Variants in RMND1 observed in about 807,000 individuals in gnomAD.
The protein encoded by RMND1 is required for meiotic nuclear division protein 1 homolog.
A neutral mutation model predicts 54.0 loss-of-function variants in RMND1; 41 were observed. That is an observed-to-expected ratio of 0.76 (90% CI 0.59 to 0.98). RMND1 has a LOEUF of 0.98. RMND1 is among the 50% of genes least tolerant of loss of function. The pLI is 0.00. For synonymous variants in RMND1, 183 were observed against 181.7 expected, an observed-to-expected ratio of 1.01 and a Z score of -0.06; for missense variants, 457 against 532.0, an observed-to-expected ratio of 0.86 and a Z score of 1.39.
chr6:151,450,814 G>T (rs1171570604), intron 1 of RMND1, among the ~76,000 whole-genome samples: 1 of 152,188 alleles, frequency 6.6e-6, no homozygotes, highest in Non-Finnish European at 1.5e-5. Flanking sequence ...TGTCTGTGTA[G>T]AAAGAAGTAG....
intron 2 of RMND1, 36 bp downstream of exon 2, chr6:151,445,272 C>A: frequency 6.4e-7 from 1 of 1,567,884 alleles, no homozygotes; most frequent in Non-Finnish European, 8.6e-7. Flanking sequence ...GAGCAATGAT[C>A]ACTAAGCACG....
At chr6:151,425,691 G>C (rs1780275502) in intron 6 of RMND1, among the ~76,000 whole-genome samples, 1 of 152,124 alleles carries the variant, frequency 6.6e-6, no homozygotes, top group African/African-American at 2.4e-5. Context: ...GCCACCACTG[G>C]GCTCAGGCTG....
chr6:151,424,356 G>A (rs1266954603), intron 6 of RMND1, among the ~76,000 whole-genome samples: 4 of 151,916 alleles, frequency 2.6e-5, no homozygotes, highest in Admixed American at 2.0e-4. Flanking sequence ...CCAGCTACTC[G>A]GGAGGCTGAG....
intron 10 of RMND1, among the ~76,000 whole-genome samples, chr6:151,415,412 T>TG (rs111830026): frequency 3.0e-4 from 46 of 152,168 alleles, no homozygotes; most frequent in African/African-American, 1.1e-3. Context: ...GAGCAACTAC[T>TG]AAATATCTAT....
chr6:151,409,822 G>A (rs1342659097), intron 10 of RMND1, among the ~76,000 whole-genome samples: 3 of 152,146 alleles, frequency 2.0e-5, no homozygotes, highest in Non-Finnish European at 4.4e-5. Flanking sequence ...CGGAGAAGGT[G>A]GCATGGGGAC....
chr6:151,447,145 C>G (rs1284451430), intron 1 of RMND1, among the ~76,000 whole-genome samples: 2 of 151,962 alleles, frequency 1.3e-5, no homozygotes, highest in Non-Finnish European at 1.5e-5. Context: ...ACACCCCAGG[C>G]ATGGAGTCCT....
chr6:151,424,550 T>C (rs188246990), intron 6 of RMND1, among the ~76,000 whole-genome samples: 2 of 151,796 alleles, frequency 1.3e-5, no homozygotes, highest in African/African-American at 4.8e-5. Context: ...TAATAGTCAC[T>C]CCACACAAGA....
intron 1 of RMND1, among the ~76,000 whole-genome samples, chr6:151,450,081 C>T (rs1384045924): frequency 6.6e-6 from 1 of 151,978 alleles, no homozygotes; most frequent in East Asian, 1.9e-4. Context: ...TCGTCTGGGA[C>T]GTGAGGAGCC....
At chr6:151,427,415 C>T in intron 6 of RMND1, 67 bp downstream of exon 6, 1 of 865,302 alleles carries the variant, frequency 1.2e-6, no homozygotes, top group Non-Finnish European at 1.8e-6. Flanking sequence ...AATAATTTGT[C>T]TCCTCTATTG....
rs1562792003 is a variant in RMND1, at chr6:151,427,467, TG to T, written c.830+14del. 2 of 1,497,350 alleles carry T rather than the reference TG, an allele frequency of 1.3e-6. No homozygotes were observed. Among genetic ancestry groups the T allele is most frequent in the Non-Finnish European group, 1.9e-6 (2 of 1,075,874 alleles). 92.8% of individuals were successfully genotyped at this position (1,497,350 alleles called of 1,614,324 possible). ...CCAAGTGCCCCTTTCATAAATTTGA[TG>T]AAAAGTTGCTTACTCTATTTTTATG... On this transcript the variant is annotated intron_variant, in intron 6 of 11. Coordinates refer to ENST00000444024, the MANE Select transcript of RMND1 (RefSeq NM_017909.4).
intron 3 of RMND1, among the ~76,000 whole-genome samples, chr6:151,434,734 T>C (rs555582551): frequency 6.6e-6 from 1 of 152,230 alleles, no homozygotes; most frequent in Non-Finnish European, 1.5e-5. Flanking sequence ...CTTAAGAATT[T>C]CCACTGTTAT....
At position 151,443,634 on chromosome 6, in the gene RMND1, C is replaced by T. The variant is rs529844429; in HGVS notation, c.504+1674G>A. ...GAAACATCTGATTTTCTATTATTTC[C>T]CTGTGCTTTCAGAAAGACAGCATGC... On this transcript the variant is annotated intron_variant, in intron 2 of 11. Coordinates refer to ENST00000444024, the MANE Select transcript of RMND1 (RefSeq NM_017909.4). Among the ~76,000 whole-genome samples the T allele has an allele frequency of 1.2e-4, 19 of 152,218 alleles. No homozygotes were observed. The South Asian group carries it at 3.7e-3, about 30-fold the overall frequency.
intron 1 of RMND1, chr6:151,446,140 T>C (rs1279981203): frequency 6.8e-5 from 16 of 234,776 alleles, no homozygotes. Context: ...AAATCTGTGC[T>C]GGCCAGGCAC....
At position 151,441,762 on chromosome 6, in the gene RMND1, C is replaced by T. The variant is rs961626014; in HGVS notation, c.504+3546G>A. 5.3e-5 allele frequency among the ~76,000 whole-genome samples: 8 copies of T among 152,168 alleles called. No individual in the cohort carries two copies. In the South Asian group the frequency reaches 1.4e-3, roughly 28 times the overall value. Reference sequence around the variant, plus strand: ...CTAAGTTCCAGGCCCTTCTTGACTTCACTCTGTGCACCTCTACATCTGGTT... The same window carrying T: ...CTAAGTTCCAGGCCCTTCTTGACTTTACTCTGTGCACCTCTACATCTGGTT... On this transcript the variant is annotated intron_variant, in intron 2 of 11. Coordinates refer to ENST00000444024, the MANE Select transcript of RMND1 (RefSeq NM_017909.4).
chr6:151,409,377 C>T (rs1031065295), intron 10 of RMND1, among the ~76,000 whole-genome samples: 4 of 152,022 alleles, frequency 2.6e-5, no homozygotes, highest in Admixed American at 2.6e-4. Context: ...AAAAGGACAC[C>T]CAGATGACTT....
Position 151,445,370 on chromosome 6 carries a change from G to A in RMND1, c.442C>T (p.Leu148=), listed in dbSNP as rs1780922674. ...GGCTGTCTGGTCCTGGATGCTTTTAGTGGTCTCTTCACCTGTGGGAAGTCT... is the reference window on the plus strand; with the variant it reads ...GGCTGTCTGGTCCTGGATGCTTTTAATGGTCTCTTCACCTGTGGGAAGTCT... ...KQDFPQVKRP[L]KASRTRQPSR... is the part of the protein sequence containing the mutation. Residue 148 remains leucine, a synonymous_variant, in exon 2 of 12, where the codon CTA becomes TTA. Coordinates refer to ENST00000444024, the MANE Select transcript of RMND1 (RefSeq NM_017909.4). 1 of 1,613,974 alleles carries A rather than the reference G, an allele frequency of 6.2e-7. No homozygotes were observed. Among genetic ancestry groups the A allele is most frequent in the Middle Eastern group, 1.7e-4 (1 of 6,056 alleles).
intron 10 of RMND1, among the ~76,000 whole-genome samples, chr6:151,412,128 A>G (rs561558095): frequency 1.1e-4 from 17 of 152,078 alleles, no homozygotes; most frequent in Non-Finnish European, 8.8e-5. Context: ...CAGCCTCCCA[A>G]GTGACTGGGA....
intron 2 of RMND1, among the ~76,000 whole-genome samples, chr6:151,437,505 C>A (rs971790684): frequency 3.9e-5 from 6 of 152,232 alleles, no homozygotes; most frequent in African/African-American, 1.4e-4. Context: ...AACAATAATG[C>A]CTACTTTATG....
intron 5 of RMND1, among the ~76,000 whole-genome samples, chr6:151,428,086 C>A (rs1273153376): frequency 1.3e-5 from 2 of 151,936 alleles, no homozygotes; most frequent in African/African-American, 4.8e-5. Flanking sequence ...CAATGTCAGC[C>A]GGTGTGACAG....
Sources: gnomAD v4.1 joint callset for allele counts (sites outside exome capture counted in the v4.1 genomes callset) on GRCh38, gnomAD v4.1.1 for gene constraint, MANE v1.5 for transcripts, NCBI Gene and HGNC (gene_info 2026-07-23, HGNC 2026-07-21) for gene names.